The following GLIPR1L2 variants were observed in gnomAD, a reference collection of about 807,000 sequenced individuals.
GLIPR1L2 encodes the protein GLIPR1 like 2.
GLIPR1L2 carries 21 observed loss-of-function variants against 28.4 expected under a neutral mutation model. The ratio of observed to expected loss-of-function variants is 0.74; its 90% CI spans 0.52 to 1.06. The LOEUF (loss-of-function observed/expected upper bound fraction) is 1.06. Ranked by LOEUF, GLIPR1L2 falls within the 50% of genes least tolerant of loss-of-function variation. The pLI, the probability that GLIPR1L2 is intolerant of heterozygous loss-of-function variation, is 0.00. For synonymous variants in GLIPR1L2, 145 were observed against 139.3 expected (o/e 1.04, Z -0.29); for missense variants, 476 against 416.9 (o/e 1.14, Z -1.23).
chr12:75,425,583 A>T (rs759881420), intron 4 of GLIPR1L2, among the ~76,000 whole-genome samples: 1 of 152,224 alleles, frequency 6.6e-6, no homozygotes, highest in African/African-American at 2.4e-5. Context: ...TTAATACAAG[A>T]CAATTTTTCA....
At chr12:75,424,839 A>C (rs2046017342) in intron 4 of GLIPR1L2, among the ~76,000 whole-genome samples, 1 of 152,176 alleles carries the variant, frequency 6.6e-6, no homozygotes, top group Non-Finnish European at 1.5e-5. Flanking sequence ...TCAAGATGCA[A>C]ACTCTTGCTC....
chr12:75,427,543 C>A (rs2046046542), intron 4 of GLIPR1L2, among the ~76,000 whole-genome samples: 1 of 152,144 alleles, frequency 6.6e-6, no homozygotes, highest in Admixed American at 6.6e-5. Context: ...AGACAAAGTT[C>A]TTTGTTGCTA....
intron 3 of GLIPR1L2, among the ~76,000 whole-genome samples, chr12:75,417,484 C>T (rs187686436): frequency 6.6e-6 from 1 of 152,060 alleles, no homozygotes; most frequent in Non-Finnish European, 1.5e-5. Context: ...AATATAGTTA[C>T]AGAAAATTAA....
At chr12:75,398,945 G>A (rs2045711418) in intron 1 of GLIPR1L2, among the ~76,000 whole-genome samples, 1 of 152,104 alleles carries the variant, frequency 6.6e-6, no homozygotes, top group African/African-American at 2.4e-5. Flanking sequence ...GTGGCATTAT[G>A]TGGAATTTAT....
In GLIPR1L2 at chr12:75,401,669, A is replaced by C. The variant is rs565468580; in HGVS notation, c.235-8765A>C. Among the ~76,000 whole-genome samples the C allele has an allele frequency of 9.9e-5, 15 of 152,210 alleles. 1 individual carries two copies. The East Asian group carries it at 2.9e-3, about 29-fold the overall frequency. On this transcript the variant is annotated intron_variant, in intron 1 of 5. Transcript: ENST00000550916. ...CTTAAGTAGAAATTTTACACGCTAAATTTCTGACTAGAATGTAATAAAACT... is the reference window on the plus strand; with the variant it reads ...CTTAAGTAGAAATTTTACACGCTAACTTTCTGACTAGAATGTAATAAAACT...
chr12:75,399,255 G>T (rs911280086), intron 1 of GLIPR1L2, among the ~76,000 whole-genome samples: 2 of 152,134 alleles, frequency 1.3e-5, no homozygotes, highest in Non-Finnish European at 2.9e-5. Flanking sequence ...ATAGAGTTCA[G>T]AAATAACCCA....
intron 1 of GLIPR1L2, chr12:75,403,038 G>A (rs139091139): frequency 3.1e-5 from 14 of 457,110 alleles, no homozygotes; most frequent in Middle Eastern, 3.2e-4. Context: ...CTGTGACTCC[G>A]ATGGTAGCAG....
At chr12:75,412,230 A>G (rs2045875240) in intron 2 of GLIPR1L2, among the ~76,000 whole-genome samples, 1 of 151,996 alleles carries the variant, frequency 6.6e-6, no homozygotes, top group African/African-American at 2.4e-5. Context: ...AGAACTTTCC[A>G]ATTCAACCAG....
At chr12:75,414,852 G>A (rs148869107) in intron 3 of GLIPR1L2, among the ~76,000 whole-genome samples, 71 of 152,088 alleles carry the variant, frequency 4.7e-4, no homozygotes, top group African/African-American at 1.6e-3. Context: ...CTAACAAGAC[G>A]CAAAAAGACA....
intron 1 of GLIPR1L2, among the ~76,000 whole-genome samples, chr12:75,399,786 C>G (rs928887148): frequency 1.3e-5 from 2 of 152,144 alleles, no homozygotes; most frequent in African/African-American, 4.8e-5. Flanking sequence ...GTGTCAAAGT[C>G]AAAGACCATG....
At chr12:75,401,214 G>A (rs2139925997) in intron 1 of GLIPR1L2, among the ~76,000 whole-genome samples, 1 of 151,572 alleles carries the variant, frequency 6.6e-6, no homozygotes, top group Admixed American at 6.6e-5. Context: ...ATAAATATGA[G>A]TGAATTTAAT....
In GLIPR1L2 at chr12:75,413,700, G is replaced by A; in HGVS notation, c.583G>A (p.Gly195Arg). 7.2e-7 allele frequency: 1 copy of A among 1,380,164 alleles called. No homozygotes were observed. 85.5% of individuals were successfully genotyped at this position (1,380,164 alleles called of 1,614,324 possible). A position where few individuals can be genotyped will look rare whatever the true frequency, so the allele number is the denominator to read the frequency against. Residue 195 changes from glycine (G) to arginine (R), a missense_variant and splice_region_variant, in exon 3 of 6, where the codon GGA becomes AGA. Physicochemically the swap from Gly to Arg is moderately radical, Grantham distance 125 (BLOSUM62 -2). Transcript: ENST00000550916. ...AAIFICNYAP[G>R]GTLTRRPYEP... ...AATTTTCATATGCAACTATGCGCCA[G>A]GGTAAGTTACTTAAAATTAATAAAA...
At chr12:75,421,392 A>G (rs1053659155) in intron 3 of GLIPR1L2, among the ~76,000 whole-genome samples, 11 of 152,226 alleles carry the variant, frequency 7.2e-5, no homozygotes, top group African/African-American at 2.4e-4. Context: ...GGTATCACCC[A>G]AACTCTCTGA....
chr12:75,414,424 A>G (rs1383774260), intron 3 of GLIPR1L2, among the ~76,000 whole-genome samples: 2 of 152,074 alleles, frequency 1.3e-5, no homozygotes, highest in Non-Finnish European at 2.9e-5. Context: ...GCCTACCAAG[A>G]TTGAGAAGGA....
rs116304690 is a variant in GLIPR1L2 at position 75,429,133 on chromosome 12, A to G, written c.671-1582A>G. ...AGATCCCAGAATGACAACTTGCACT[A>G]TGTGCCTGGAAAAGCCACAGGTACT... On this transcript the variant is annotated intron_variant, in intron 4 of 5. Transcript: ENST00000550916. 3.5e-3 allele frequency among the ~76,000 whole-genome samples: 539 copies of G among 152,306 alleles called. 6 individuals are homozygous for G. Among genetic ancestry groups the G allele is most frequent in the African/African-American group, 0.013 (528 of 41,570 alleles).
At chr12:75,428,429 G>T (rs910170443) in intron 4 of GLIPR1L2, among the ~76,000 whole-genome samples, 4 of 152,114 alleles carry the variant, frequency 2.6e-5, no homozygotes, top group Admixed American at 6.6e-5. Flanking sequence ...TATTCTCAAA[G>T]AGATGATCTG....
intron 2 of GLIPR1L2, 90 bp from the exon 3 acceptor site, chr12:75,413,508 T>A (rs1445543505): frequency 2.8e-6 from 2 of 726,916 alleles, no homozygotes; most frequent in Non-Finnish European, 4.6e-6. Context: ...TGGTGAAAAG[T>A]TCTATGTGAA....
Position 75,391,133 on chromosome 12 carries a change from C to A in GLIPR1L2, c.17C>A (p.Pro6His). Residue 6 changes from proline to histidine, a missense_variant, in exon 1 of 6, where the codon CCC (proline) becomes CAC (histidine). Physicochemically the swap from Pro to His is moderately conservative, Grantham distance 77 (BLOSUM62 -2). Transcript: ENST00000550916. Reference protein sequence around the residue: MEAARPFAREWRAQSL... With the variant: MEAARHFAREWRAQSL... ...CGGTGGACCATGGAGGCCGCAAGGC[C>A]CTTCGCCCGGGAGTGGAGGGCCCAG... is the stretch of plus-strand genomic sequence containing the variant. 5 of 1,613,712 alleles carry A rather than the reference C, an allele frequency of 3.1e-6. No individual in the cohort carries two copies. Among genetic ancestry groups the A allele is most frequent in the Middle Eastern group, 1.7e-4 (1 of 5,874 alleles).
At chr12:75,426,619 G>A (rs1364893980) in intron 4 of GLIPR1L2, among the ~76,000 whole-genome samples, 1 of 152,168 alleles carries the variant, frequency 6.6e-6, no homozygotes, top group African/African-American at 2.4e-5. Flanking sequence ...GTACTTCCTG[G>A]TTTCAGCTCT....
Sources: allele counts gnomAD v4.1 joint callset (sites outside exome capture counted in the v4.1 genomes callset), GRCh38; gene constraint gnomAD v4.1.1; transcripts MANE v1.5; gene names NCBI Gene and HGNC (gene_info 2026-07-23, HGNC 2026-07-21).